The following MPPED2 variants were observed in gnomAD, a reference collection of about 807,000 sequenced individuals.
MPPED2 encodes metallophosphoesterase MPPED2.
MPPED2 carries 5 observed loss-of-function variants against 33.0 expected under a neutral mutation model. That is an observed-to-expected ratio of 0.15 (90% CI 0.08 to 0.32). MPPED2 has a LOEUF of 0.32. MPPED2 is among the 10% of genes least tolerant of loss of function. The pLI is 1.00. For missense variants in MPPED2, 275 were observed against 372.1 expected, an observed-to-expected ratio of 0.74 and a Z score of 2.15; for synonymous variants, 136 against 141.9, an observed-to-expected ratio of 0.96 and a Z score of 0.29.
At chr11:30,528,816 A>G (rs140111029) in intron 3 of MPPED2, among the ~76,000 whole-genome samples, 1 of 152,272 alleles carries the variant, frequency 6.6e-6, no homozygotes, top group African/African-American at 2.4e-5. Flanking sequence ...AGGGTACCCA[A>G]AAATATGTGA....
At chr11:30,393,831 T>C (rs1947808261) in intron 6 of MPPED2, among the ~76,000 whole-genome samples, 1 of 152,220 alleles carries the variant, frequency 6.6e-6, no homozygotes, top group Non-Finnish European at 1.5e-5. Context: ...TGACTTGTTT[T>C]TGGTGTGCAG....
At chr11:30,420,132 A>G (rs533378329) in intron 4 of MPPED2, among the ~76,000 whole-genome samples, 115 of 152,356 alleles carry the variant, frequency 7.5e-4, no homozygotes, top group African/African-American at 2.6e-3. Flanking sequence ...GATGGAATTC[A>G]GATGACCTGA....
chr11:30,514,050 A>T (rs1448424970), intron 3 of MPPED2, among the ~76,000 whole-genome samples: 2 of 152,212 alleles, frequency 1.3e-5, no homozygotes, highest in Non-Finnish European at 2.9e-5. Context: ...TATTGATGGC[A>T]CATTCAAATC....
chr11:30,504,683 G>C, intron 3 of MPPED2: 1 of 917,624 alleles, frequency 1.1e-6, no homozygotes, highest in South Asian at 1.4e-5. Flanking sequence ...TCTGTCCCCC[G>C]TCAGGCTCCA....
At chr11:30,461,301 T>G (rs1395759629) in intron 4 of MPPED2, among the ~76,000 whole-genome samples, 1 of 152,194 alleles carries the variant, frequency 6.6e-6, no homozygotes, top group East Asian at 1.9e-4. Context: ...GTGGTGATGG[T>G]TGCACAACAA....
intron 4 of MPPED2, among the ~76,000 whole-genome samples, chr11:30,424,419 T>C (rs1385019051): frequency 6.6e-6 from 1 of 152,110 alleles, no homozygotes; most frequent in African/African-American, 2.4e-5. Context: ...CATCGGCCCC[T>C]CTCCGACTGC....
At chr11:30,518,266 A>T (rs542709) in intron 3 of MPPED2, among the ~76,000 whole-genome samples, 4 of 152,126 alleles carry the variant, frequency 2.6e-5, no homozygotes, top group African/African-American at 9.7e-5. Context: ...GCTGTCTCTA[A>T]TAGTCACCTG....
intron 4 of MPPED2, among the ~76,000 whole-genome samples, chr11:30,493,705 A>T (rs1952101186): frequency 6.6e-6 from 1 of 152,072 alleles, no homozygotes; most frequent in South Asian, 2.1e-4. Flanking sequence ...TGACTTGCCT[A>T]AGTTCACATA....
intron 4 of MPPED2, among the ~76,000 whole-genome samples, chr11:30,466,368 T>A (rs1565095692): frequency 6.6e-6 from 1 of 152,200 alleles, no homozygotes; most frequent in Non-Finnish European, 1.5e-5. Context: ...AGAAGAGGAA[T>A]GTGGATTTAG....
At chr11:30,476,023 G>T (rs1302532727) in intron 4 of MPPED2, among the ~76,000 whole-genome samples, 1 of 151,900 alleles carries the variant, frequency 6.6e-6, no homozygotes, top group East Asian at 1.9e-4. Context: ...TCATATACTT[G>T]TTGGCCATTT....
chr11:30,559,142 T>C (rs1485764658), intron 2 of MPPED2, among the ~76,000 whole-genome samples: 1 of 152,184 alleles, frequency 6.6e-6, no homozygotes, highest in Non-Finnish European at 1.5e-5. Context: ...TGACTACTAA[T>C]GAAAAGTATT....
At chr11:30,576,864 A>G (rs7944024) in intron 2 of MPPED2, among the ~76,000 whole-genome samples, 10,889 of 151,698 alleles carry the variant, frequency 0.072, 1,338 homozygotes, top group African/African-American at 0.25. Context: ...TCCCAAGGTC[A>G]TACAGGATTG....
chr11:30,391,044 G>A (rs1947767398), intron 6 of MPPED2, among the ~76,000 whole-genome samples: 1 of 152,166 alleles, frequency 6.6e-6, no homozygotes, highest in South Asian at 2.1e-4. Context: ...CAGGGGCCTG[G>A]ATCCTGGAAT....
chr11:30,562,985 C>T (rs1956297730), intron 2 of MPPED2, among the ~76,000 whole-genome samples: 1 of 151,998 alleles, frequency 6.6e-6, no homozygotes, highest in African/African-American at 2.4e-5. Context: ...TAAAACATTC[C>T]TTCATTAATT....
intron 2 of MPPED2, among the ~76,000 whole-genome samples, chr11:30,577,189 C>T (rs915677668): frequency 2.0e-5 from 3 of 152,102 alleles, no homozygotes; most frequent in Non-Finnish European, 4.4e-5. Context: ...GATGAGTAAA[C>T]TGAGACTTGG....
chr11:30,520,165 G>T (rs1811712810), intron 3 of MPPED2, among the ~76,000 whole-genome samples: 1 of 152,102 alleles, frequency 6.6e-6, no homozygotes, highest in Non-Finnish European at 1.5e-5. Flanking sequence ...TAGAAAAAAA[G>T]AATGCTGCTT....
chr11:30,548,915 G>A (rs961152025), intron 2 of MPPED2, among the ~76,000 whole-genome samples: 2 of 152,128 alleles, frequency 1.3e-5, no homozygotes, highest in African/African-American at 4.8e-5. Context: ...GATTACTAAA[G>A]CCAAATAGGA....
chr11:30,451,342 A>G (rs1299992318), intron 4 of MPPED2, among the ~76,000 whole-genome samples: 1 of 152,174 alleles, frequency 6.6e-6, no homozygotes, highest in Admixed American at 6.5e-5. Flanking sequence ...TTGTCTAAGG[A>G]CCTTGGCTGT....
At chr11:30,438,965 C>G (rs755494861) in intron 4 of MPPED2, among the ~76,000 whole-genome samples, 1 of 152,124 alleles carries the variant, frequency 6.6e-6, no homozygotes, top group Non-Finnish European at 1.5e-5. Context: ...AAGGAACATG[C>G]TAAATAGTTG....
Sources: allele counts gnomAD v4.1 joint callset (sites outside exome capture counted in the v4.1 genomes callset), GRCh38; gene constraint gnomAD v4.1.1; transcripts MANE v1.5; gene names NCBI Gene and HGNC (gene_info 2026-07-23, HGNC 2026-07-21).